XDH: variants seen among roughly 807,000 people sequenced by gnomAD.
XDH encodes xanthine dehydrogenase, also known as xanthine dehydrogenase/oxidase.
Under a neutral mutation model 156.1 loss-of-function variants are expected in XDH, and 138 were observed. The ratio of observed to expected loss-of-function variants is 0.88; its 90% CI spans 0.77 to 1.02. The LOEUF is 1.02. Among genes scored for constraint, XDH ranks in the 50% least tolerant of loss-of-function variants. XDH has a pLI of 0.00. For synonymous variants in XDH, 669 were observed against 625.7 expected, an observed-to-expected ratio of 1.07 and a Z score of -1.03; for missense variants, 1,849 against 1,684.9, an observed-to-expected ratio of 1.10 and a Z score of -1.71.
At chr2:31,345,359 TA>T (rs1378479107) in intron 30 of XDH, among the ~76,000 whole-genome samples, 2 of 152,228 alleles carry the variant, frequency 1.3e-5, no homozygotes, top group South Asian at 4.1e-4. Flanking sequence ...CTTGTGCTTT[TA>T]CATATGCTTT....
intron 18 of XDH, among the ~76,000 whole-genome samples, chr2:31,368,999 C>T (rs1020967813): frequency 6.6e-6 from 1 of 152,180 alleles, no homozygotes; most frequent in Non-Finnish European, 1.5e-5. Flanking sequence ...CGGATTCACT[C>T]CAACACCATT....
intron 17 of XDH, among the ~76,000 whole-genome samples, chr2:31,371,301 T>G (rs185585584): frequency 6.6e-6 from 1 of 152,350 alleles, no homozygotes; most frequent in Non-Finnish European, 1.5e-5. Context: ...CAAGAAACCC[T>G]GAAAGTACTT....
chr2:31,383,499 G>C (rs1686498188), intron 10 of XDH, among the ~76,000 whole-genome samples: 1 of 151,556 alleles, frequency 6.6e-6, no homozygotes, highest in Non-Finnish European at 1.5e-5. Context: ...ACCCCCGCAT[G>C]AGTGATTCTA....
At chr2:31,377,342 A>C in intron 13 of XDH, 105 bp from the exon 14 acceptor site, 2 of 1,245,492 alleles carry the variant, frequency 1.6e-6, no homozygotes, top group Non-Finnish European at 2.3e-6. Context: ...GGATAACACC[A>C]TCACACATCA....
At chr2:31,346,716 G>A in intron 30 of XDH, 53 bp downstream of exon 30, 1 of 1,604,274 alleles carries the variant, frequency 6.2e-7, no homozygotes. Context: ...CGGAGGCCCT[G>A]CTGTCAATTT....
At chr2:31,384,396 A>G (rs917148510) in intron 9 of XDH, 1 of 155,326 alleles carries the variant, frequency 6.4e-6, no homozygotes, top group Non-Finnish European at 1.4e-5. Context: ...TAATAAAAAC[A>G]TGAAAGTTTA....
intron 15 of XDH, among the ~76,000 whole-genome samples, chr2:31,374,166 C>G (rs12712316): frequency 2.6e-5 from 4 of 152,242 alleles, no homozygotes; most frequent in South Asian, 4.1e-4. Flanking sequence ...TGCTAGCCCC[C>G]CAGTGGACCC....
chr2:31,386,351 A>C, intron 9 of XDH, 63 bp downstream of exon 9: 1 of 1,599,644 alleles, frequency 6.3e-7, no homozygotes, highest in East Asian at 2.2e-5. Context: ...GAGGATGGGC[A>C]AGAGGACCTA....
rs1340788452 is a variant in XDH at position 31,383,249 on chromosome 2, G to C, written c.887-97C>G. ...TGAAGCTTTCCAGCAACTGGAGCAA[G>C]GCTGAATCAGGACTCACAGCTTTCC... On this transcript the variant is annotated intron_variant, in intron 10 of 35. Coordinates refer to ENST00000379416, the MANE Select transcript of XDH (RefSeq NM_000379.4). 2.5e-6 allele frequency: 4 copies of C among 1,574,744 alleles called. No homozygotes were observed. The African/African-American group carries it at 5.4e-5, about 21-fold the overall frequency.
chr2:31,394,595 C>A (rs548491654), intron 6 of XDH, among the ~76,000 whole-genome samples: 26 of 152,254 alleles, frequency 1.7e-4, no homozygotes, highest in African/African-American at 6.3e-4. Context: ...TTGGGAAATT[C>A]TCAGTCATTT....
rs770385437 is a variant in XDH at position 31,347,655 on chromosome 2, G to A, written c.3148-5C>T. Reference sequence around the variant, plus strand: ...TTTCAGAGCTCTACTGGCCACCTGCGAAAAGAGAAGACATTGCCCTCTAGG... The same window carrying A: ...TTTCAGAGCTCTACTGGCCACCTGCAAAAAGAGAAGACATTGCCCTCTAGG... On this transcript the variant is annotated splice_region_variant and splice_polypyrimidine_tract_variant and intron_variant, in intron 28 of 35. Coordinates refer to ENST00000379416, the MANE Select transcript of XDH (RefSeq NM_000379.4). 2.2e-5 allele frequency: 36 copies of A among 1,613,132 alleles called. No homozygotes were observed. The highest frequency in any genetic ancestry group is 8.9e-5 in the East Asian group (4 of 44,860).
chr2:31,371,411 T>C (rs560651482), intron 17 of XDH, among the ~76,000 whole-genome samples: 1 of 152,322 alleles, frequency 6.6e-6, no homozygotes, highest in East Asian at 1.9e-4. Context: ...CTGGGATTAT[T>C]GGAACTGAGG....
At chr2:31,400,290 G>C (rs944343880) in intron 4 of XDH, among the ~76,000 whole-genome samples, 1 of 147,088 alleles carries the variant, frequency 6.8e-6, no homozygotes, top group African/African-American at 2.6e-5. Context: ...CCAGGCTGGA[G>C]TCCAGTGGCA....
At chr2:31,348,435 A>G (rs553155538) in intron 27 of XDH, 72 bp from the exon 28 acceptor site, 4 of 1,438,282 alleles carry the variant, frequency 2.8e-6, no homozygotes, top group South Asian at 1.2e-5. Context: ...GACCAAAGGT[A>G]TGGAGCCCAG....
At chr2:31,375,023 C>CTTTTTT (rs60340656) in intron 15 of XDH, among the ~76,000 whole-genome samples, 270 of 92,264 alleles carry the variant, frequency 2.9e-3, no homozygotes, top group African/African-American at 3.7e-3. Context: ...TTCTTTCTTT[C>CTTTTTT]TTTTTTTTTT....
chr2:31,368,653 C>G lies in XDH; in HGVS notation c.1988G>C (p.Cys663Ser). ...ETVFAKDKVT[C>S]VGHIIGAVVA... is the part of the protein sequence containing the mutation. The stretch of plus-strand genomic sequence containing the variant: ...CACAGCACCAATGATATGCCCAACA[C>G]AAGTAACCTAGTAGCAGAGACAGAC... Residue 663 changes from cysteine to serine, a missense_variant, in exon 19 of 36, where the codon TGT (cysteine) becomes TCT (serine). By Grantham distance (112) the Cys-to-Ser change is moderately radical. Coordinates refer to ENST00000379416, the MANE Select transcript of XDH (RefSeq NM_000379.4). 6.2e-7 allele frequency: 1 copy of G among 1,614,208 alleles called. No homozygotes were observed. Among genetic ancestry groups the G allele is most frequent in the Non-Finnish European group, 8.5e-7 (1 of 1,180,030 alleles).
At chr2:31,407,563 T>C (rs965385339) in intron 1 of XDH, among the ~76,000 whole-genome samples, 3 of 151,978 alleles carry the variant, frequency 2.0e-5, no homozygotes, top group Non-Finnish European at 4.4e-5. Context: ...ATGCAAATAT[T>C]CCCTGTGGTG....
At position 31,373,930 on chromosome 2, in the gene XDH, G is replaced by A. The variant is rs140651875; in HGVS notation, c.1629C>T (p.Phe543=). The A allele has an allele frequency of 4.2e-4, 680 of 1,613,862 alleles. 2 individuals are homozygous for A. In the African/African-American group the frequency reaches 7.0e-3, roughly 17 times the overall value. The change falls in exon 16 of 36, where the codon TTC becomes TTT. Residue 543 remains phenylalanine, a synonymous_variant. Transcript: ENST00000379416. ...EDKCGKLDPT[F]ASATLLFQKD... is the part of the protein sequence containing the mutation. The stretch of plus-strand genomic sequence containing the variant: ...TCTGAAACAGTAAAGTTGCACTGGC[G>A]AAAGTGGGGTCCAGTTTACCACACT...
chr2:31,414,284 G>A (rs540679316), intron 1 of XDH, among the ~76,000 whole-genome samples: 34 of 152,086 alleles, frequency 2.2e-4, no homozygotes, highest in African/African-American at 7.5e-4. Context: ...ATAGAAGTGT[G>A]GTGATGACCT....
Sources: allele counts gnomAD v4.1 joint callset (sites outside exome capture counted in the v4.1 genomes callset), GRCh38; gene constraint gnomAD v4.1.1; transcripts MANE v1.5; gene names NCBI Gene and HGNC (gene_info 2026-07-23, HGNC 2026-07-21).